The following TLN2 variants were observed in gnomAD, a reference collection of about 807,000 sequenced individuals.
The protein encoded by TLN2 is talin 2, also known as talin-2.
Under a neutral mutation model 294.7 loss-of-function variants are expected in TLN2, and 118 were observed. That is an observed-to-expected ratio of 0.40 (90% CI 0.34 to 0.47). The LOEUF is 0.47. TLN2 is among the 20% of genes least tolerant of loss of function. TLN2 has a pLI of 0.84. For missense variants in TLN2, 3,083 were observed against 3,282.2 expected (o/e 0.94, Z 1.48); for synonymous variants, 1,431 against 1,304.5 (o/e 1.10, Z -2.09).
chr15:62,580,424 C>T (rs575898888), intron 1 of TLN2, among the ~76,000 whole-genome samples: 24 of 151,112 alleles, frequency 1.6e-4, no homozygotes, highest in African/African-American at 5.3e-4. Context: ...CCCTCCCTCC[C>T]TTCCTTCCCA....
chr15:62,631,134 A>G (rs898538884), intron 3 of TLN2, among the ~76,000 whole-genome samples: 3 of 152,144 alleles, frequency 2.0e-5, no homozygotes, highest in East Asian at 1.9e-4. Flanking sequence ...GTTGGCTTGC[A>G]GCTTCCTATG....
At chr15:62,722,548 C>T (rs2060210425) in intron 26 of TLN2, 61 bp downstream of exon 26, 1 of 1,542,746 alleles carries the variant, frequency 6.5e-7, no homozygotes. Flanking sequence ...GGCATGGGTA[C>T]CACCCAGGGC....
In TLN2 at chr15:62,730,973, T is replaced by C. The variant is rs761445672; in HGVS notation, c.3358+3784T>C. On this transcript the variant is annotated intron_variant, in intron 28 of 58. Coordinates refer to ENST00000636159, the MANE Select transcript of TLN2 (RefSeq NM_015059.3). ...GTGTTTCCTACATCTTCTGTACCCTTTTCTTCTTCATAGTTTTTCTTTTCA... is the reference window on the plus strand; with the variant it reads ...GTGTTTCCTACATCTTCTGTACCCTCTTCTTCTTCATAGTTTTTCTTTTCA... Among the ~76,000 whole-genome samples, 83 of 152,184 alleles carry C rather than the reference T, an allele frequency of 5.5e-4. 1 individual carries two copies. Among genetic ancestry groups the C allele is most frequent in the Non-Finnish European group, 1.8e-4 (12 of 68,026 alleles).
chr15:62,761,648 A>T, intron 37 of TLN2, 33 bp from the exon 38 acceptor site: 4 of 1,613,662 alleles, frequency 2.5e-6, no homozygotes, highest in Non-Finnish European at 3.4e-6. Flanking sequence ...GTGCTTCTCA[A>T]TTGGGCAGAA....
chr15:62,573,268 C>A (rs1441253247), intron 1 of TLN2, among the ~76,000 whole-genome samples: 2 of 152,134 alleles, frequency 1.3e-5, no homozygotes, highest in African/African-American at 4.8e-5. Context: ...GGCAGCCACC[C>A]CTGTCTTCAC....
In TLN2 at chr15:62,659,735, T is replaced by G. The variant is rs150605210; in HGVS notation, c.788+1837T>G. On this transcript the variant is annotated intron_variant, in intron 9 of 58. Coordinates refer to ENST00000636159, the MANE Select transcript of TLN2 (RefSeq NM_015059.3). ...ATTCCAAATTAAAATAAGGTGGTTT[T>G]GCCTGGTGGCAATTGTTTTTCCTTA... Among the ~76,000 whole-genome samples the G allele has an allele frequency of 5.0e-4, 76 of 152,370 alleles. No individual in the cohort carries two copies. In the East Asian group the frequency reaches 6.0e-3, roughly 12 times the overall value.
chr15:62,724,099 G>A (rs1422492877), intron 26 of TLN2, among the ~76,000 whole-genome samples: 1 of 152,112 alleles, frequency 6.6e-6, no homozygotes, highest in African/African-American at 2.4e-5. Flanking sequence ...AGTGTGCCAA[G>A]AGCATGCCAC....
intron 1 of TLN2, among the ~76,000 whole-genome samples, chr15:62,391,812 C>T (rs368671475): frequency 5.9e-5 from 9 of 152,380 alleles, no homozygotes; most frequent in African/African-American, 2.2e-4. Context: ...CGCCTGGACC[C>T]GGCCTTGGGG....
chr15:62,785,557 C>T (rs749372277), intron 45 of TLN2, among the ~76,000 whole-genome samples: 2 of 148,946 alleles, frequency 1.3e-5, no homozygotes, highest in Non-Finnish European at 3.0e-5. Context: ...AAGGTTGAGC[C>T]AGGAGAATTG....
intron 7 of TLN2, among the ~76,000 whole-genome samples, chr15:62,653,772 A>G (rs2052884470): frequency 6.6e-6 from 1 of 152,070 alleles, no homozygotes; most frequent in Admixed American, 6.5e-5. Context: ...TAATTGTAAT[A>G]CCATTTCACA....
chr15:62,629,708 A>G (rs1028297252), intron 3 of TLN2, among the ~76,000 whole-genome samples: 2 of 152,224 alleles, frequency 1.3e-5, no homozygotes, highest in African/African-American at 4.8e-5. Flanking sequence ...TTCCCTTTAG[A>G]ATAATTGATA....
At chr15:62,510,986 A>ATATTAG (rs1223317916) in intron 1 of TLN2, among the ~76,000 whole-genome samples, 1 of 152,190 alleles carries the variant, frequency 6.6e-6, no homozygotes, top group Non-Finnish European at 1.5e-5. Context: ...TTTGACAAGA[A>ATATTAG]CGTCTTACAA....
At chr15:62,399,354 T>C (rs1396270480) in intron 1 of TLN2, among the ~76,000 whole-genome samples, 1 of 149,006 alleles carries the variant, frequency 6.7e-6, no homozygotes. Context: ...GAACCTCTGC[T>C]AGGGCAGTGC....
At chr15:62,727,039 G>A (rs767018562) in intron 27 of TLN2, 48 bp from the exon 28 acceptor site, 11 of 1,583,716 alleles carry the variant, frequency 6.9e-6, no homozygotes, top group Non-Finnish European at 7.8e-6. Flanking sequence ...GACCTCAGCA[G>A]ATGTTCCTTT....
chr15:62,575,553 T>A (rs2044312171), intron 1 of TLN2, among the ~76,000 whole-genome samples: 1 of 152,096 alleles, frequency 6.6e-6, no homozygotes, highest in Non-Finnish European at 1.5e-5. Flanking sequence ...TAGTGTGAGC[T>A]AAATAATGGA....
At chr15:62,805,831 G>C (rs577435709) in intron 51 of TLN2, 46 bp downstream of exon 51, 1 of 1,577,956 alleles carries the variant, frequency 6.3e-7, no homozygotes, top group Non-Finnish European at 8.6e-7. Flanking sequence ...ATTCTCTGTC[G>C]TGACTGGGTT....
Position 62,771,003 on chromosome 15 carries a change from G to C in TLN2, c.5236G>C (p.Ala1746Pro). 2 of 1,608,620 alleles carry C rather than the reference G, an allele frequency of 1.2e-6. No homozygotes were observed. The highest frequency in any genetic ancestry group is 2.2e-5 in the South Asian group (2 of 90,774). ...AAGCTATTTTGAGCCCTTGATCTTA[G>C]CCGCAGTTGGTGTGGCCTCCAAGAT... The part of the protein sequence containing the change: ...LASYFEPLIL[A>P]AVGVASKILD... The change falls in exon 42 of 59, where the codon GCC (alanine) becomes CCC (proline). Residue 1746 changes from alanine (A) to proline (P), a missense_variant. Transcript: ENST00000636159.
intron 1 of TLN2, among the ~76,000 whole-genome samples, chr15:62,448,172 C>T (rs2035925251): frequency 6.6e-6 from 1 of 152,206 alleles, no homozygotes; most frequent in African/African-American, 2.4e-5. Context: ...CATTAGATTT[C>T]ACTGGATCCT....
chr15:62,510,610 C>G (rs965161625), intron 1 of TLN2, among the ~76,000 whole-genome samples: 2 of 152,206 alleles, frequency 1.3e-5, no homozygotes, highest in Non-Finnish European at 2.9e-5. Flanking sequence ...TATGGAGCCT[C>G]TGTTCTTTTA....
Sources: gnomAD v4.1 joint callset for allele counts (sites outside exome capture counted in the v4.1 genomes callset) on GRCh38, gnomAD v4.1.1 for gene constraint, MANE v1.5 for transcripts, NCBI Gene and HGNC (gene_info 2026-07-23, HGNC 2026-07-21) for gene names.